EIF4G3: variants seen among roughly 807,000 people sequenced by gnomAD.
EIF4G3 encodes the protein eukaryotic translation initiation factor 4 gamma 3, also known as eIF-4-gamma 3.
A neutral mutation model predicts 186.4 loss-of-function variants in EIF4G3; 34 were observed. The observed-to-expected ratio is 0.18, with a 90% confidence interval of 0.14 to 0.24. The LOEUF is 0.24. Ranked by LOEUF, EIF4G3 falls within the 10% of genes least tolerant of loss-of-function variation. EIF4G3 has a pLI of 1.00. For synonymous variants in EIF4G3, 673 were observed against 679.5 expected (o/e 0.99, Z 0.15); for missense variants, 1,536 against 1,948.5 (o/e 0.79, Z 3.99).
intron 33 of EIF4G3, among the ~76,000 whole-genome samples, chr1:20,819,788 A>C (rs1013579063): frequency 2.4e-4 from 37 of 152,114 alleles, no homozygotes; most frequent in Non-Finnish European, 3.5e-4. Flanking sequence ...CCCATGACAC[A>C]AGTTTACCTA....
intron 16 of EIF4G3, 40 bp from the exon 17 acceptor site, chr1:20,895,541 T>C: frequency 6.2e-7 from 1 of 1,602,020 alleles, no homozygotes; most frequent in Non-Finnish European, 8.5e-7. Flanking sequence ...TTGTAGGGCA[T>C]TATATACAGT....
At chr1:20,895,007 A>G (rs1263646294) in intron 17 of EIF4G3, among the ~76,000 whole-genome samples, 1 of 152,176 alleles carries the variant, frequency 6.6e-6, no homozygotes, top group African/African-American at 2.4e-5. Flanking sequence ...TTCAATGCCA[A>G]TAGAATTCCA....
At chr1:20,959,967 T>C (rs1320677328) in intron 12 of EIF4G3, among the ~76,000 whole-genome samples, 4 of 152,114 alleles carry the variant, frequency 2.6e-5, no homozygotes, top group South Asian at 2.1e-4. Flanking sequence ...ATAACCTCTA[T>C]GGAAAACAGT....
In EIF4G3 at chr1:20,922,543, C is replaced by T. The variant is rs117391677; in HGVS notation, c.1664-17572G>A. Among the ~76,000 whole-genome samples, 101 of 152,238 alleles carry T rather than the reference C, an allele frequency of 6.6e-4. 3 individuals carry two copies. In the East Asian group the frequency reaches 0.018, roughly 27 times the overall value. ...AACTCCCAACCTCAGATAATCCGCCCGCCTGGGCCTCCCAAAGTACTGGGA... is the reference window on the plus strand; with the variant it reads ...AACTCCCAACCTCAGATAATCCGCCTGCCTGGGCCTCCCAAAGTACTGGGA... On this transcript the variant is annotated intron_variant, in intron 14 of 36. Transcript: ENST00000602326.
chr1:21,150,699 G>T (rs146512508), intron 2 of EIF4G3, among the ~76,000 whole-genome samples: 3 of 152,174 alleles, frequency 2.0e-5, no homozygotes, highest in Non-Finnish European at 4.4e-5. Flanking sequence ...ATAACTGGCC[G>T]GGTGCGGTGG....
intron 3 of EIF4G3, among the ~76,000 whole-genome samples, chr1:21,085,720 G>C (rs1462538977): frequency 6.6e-6 from 1 of 151,978 alleles, no homozygotes; most frequent in African/African-American, 2.4e-5. Context: ...CTTTTCTTTT[G>C]AGACAGTCTC....
chr1:20,854,361 A>G (rs1237346392), intron 26 of EIF4G3, among the ~76,000 whole-genome samples: 3 of 151,994 alleles, frequency 2.0e-5, no homozygotes, highest in Non-Finnish European at 1.5e-5. Flanking sequence ...TTCTCTAGCT[A>G]TATTAAATTT....
intron 11 of EIF4G3, among the ~76,000 whole-genome samples, chr1:20,970,833 A>G (rs893969979): frequency 1.3e-5 from 2 of 151,822 alleles, no homozygotes; most frequent in African/African-American, 2.4e-5. Flanking sequence ...GTGCGGTGGC[A>G]GGCGCCTGTA....
rs181914874 is a variant in EIF4G3, at chr1:20,944,285, C to T, written c.824-1955G>A. Among the ~76,000 whole-genome samples, 24 of 151,884 alleles carry T rather than the reference C, an allele frequency of 1.6e-4. No individual in the cohort carries two copies. In the East Asian group the frequency reaches 2.3e-3, roughly 15 times the overall value. ...ATCCTAGCACTTTAGGAGGCTGAGA[C>T]GGGAGGATCTCTTGAGCCTAGGAAT... On this transcript the variant is annotated intron_variant, in intron 13 of 36. Coordinates refer to ENST00000602326, the MANE Select transcript of EIF4G3 (RefSeq NM_001391906.1).
intron 4 of EIF4G3, among the ~76,000 whole-genome samples, chr1:21,040,365 C>T (rs1274003448): frequency 6.6e-6 from 1 of 152,214 alleles, no homozygotes; most frequent in Admixed American, 6.5e-5. Flanking sequence ...CCCCTTCCCC[C>T]ATACCTTACC....
chr1:20,852,133 G>T (rs1440165268), intron 27 of EIF4G3, among the ~76,000 whole-genome samples: 1 of 152,164 alleles, frequency 6.6e-6, no homozygotes, highest in African/African-American at 2.4e-5. Flanking sequence ...TGCAACCTCC[G>T]CCTACGGGTT....
intron 29 of EIF4G3, among the ~76,000 whole-genome samples, chr1:20,845,968 T>G (rs1364753699): frequency 6.6e-6 from 1 of 152,218 alleles, no homozygotes; most frequent in Non-Finnish European, 1.5e-5. Flanking sequence ...TTGTGTCATC[T>G]CTGATTTCTT....
At chr1:20,882,171 A>C (rs1215636163) in intron 19 of EIF4G3, among the ~76,000 whole-genome samples, 1 of 128,172 alleles carries the variant, frequency 7.8e-6, no homozygotes, top group Non-Finnish European at 1.6e-5. Flanking sequence ...CAAAAAAAGA[A>C]AAATTACACA....
At chr1:21,112,946 A>G (rs979345558) in intron 2 of EIF4G3, among the ~76,000 whole-genome samples, 22 of 152,128 alleles carry the variant, frequency 1.4e-4, no homozygotes, top group Non-Finnish European at 7.3e-5. Context: ...AAGATAGCCA[A>G]CTTATAAAGA....
At chr1:21,012,357 C>G (rs1385405441) in intron 4 of EIF4G3, among the ~76,000 whole-genome samples, 1 of 152,116 alleles carries the variant, frequency 6.6e-6, no homozygotes, top group Admixed American at 6.5e-5. Flanking sequence ...GTGCACATTT[C>G]AAATCCCACT....
chr1:21,143,078 G>A (rs758732599), intron 2 of EIF4G3, among the ~76,000 whole-genome samples: 3 of 151,936 alleles, frequency 2.0e-5, no homozygotes, highest in Non-Finnish European at 4.4e-5. Flanking sequence ...ATGAAACCCT[G>A]TCTCTACTAA....
intron 2 of EIF4G3, among the ~76,000 whole-genome samples, chr1:21,164,664 A>T (rs1476553478): frequency 6.6e-6 from 1 of 152,186 alleles, no homozygotes; most frequent in Non-Finnish European, 1.5e-5. Flanking sequence ...GTTGGAGACC[A>T]GCCTGGGCAA....
At chr1:20,894,788 A>T (rs780665488) in intron 17 of EIF4G3, among the ~76,000 whole-genome samples, 18 of 152,238 alleles carry the variant, frequency 1.2e-4, no homozygotes, top group African/African-American at 2.2e-4. Flanking sequence ...ACTCCTTTTA[A>T]TTTAGTAAAC....
intron 14 of EIF4G3, among the ~76,000 whole-genome samples, chr1:20,927,671 A>G (rs1203256437): frequency 2.6e-5 from 4 of 152,178 alleles, no homozygotes; most frequent in African/African-American, 9.7e-5. Context: ...GAAGAGTTAC[A>G]GAGGGTGGCT....
Sources: allele counts gnomAD v4.1 joint callset (sites outside exome capture counted in the v4.1 genomes callset), GRCh38; gene constraint gnomAD v4.1.1; transcripts MANE v1.5; gene names NCBI Gene and HGNC (gene_info 2026-07-23, HGNC 2026-07-21).